ZNF469: variants seen among roughly 807,000 people sequenced by gnomAD.
ZNF469 encodes zinc finger protein 469.
In ZNF469, 1 loss-of-function variant was observed where a neutral mutation model predicts 1.0. The ratio of observed to expected loss-of-function variants is 1.00; its 90% CI spans 0.35 to 4.73. ZNF469 has a LOEUF of 4.73. Ranked by LOEUF, ZNF469 falls within the 30% of genes most tolerant of loss-of-function variation. The probability of loss-of-function intolerance (pLI) is 0.16; values close to 1 mark genes in which losing one functional copy is unlikely to be tolerated. For missense variants in ZNF469, 6,100 were observed against 5,356.3 expected (o/e 1.14, Z -4.33); for synonymous variants, 2,703 against 2,363.4 (o/e 1.14, Z -4.17).
rs553200337 is a variant in ZNF469 at position 88,386,356 on chromosome 16, C to T, written c.-192+3102C>T. Among the ~76,000 whole-genome samples the T allele has an allele frequency of 2.1e-4, 32 of 152,200 alleles. No homozygotes were observed. The South Asian group carries it at 3.3e-3, about 16-fold the overall frequency. On this transcript the variant is annotated intron_variant, in intron 1 of 2. Transcript: ENST00000565624. ...TCTCAGGATGTGTGTTCTCTCTTCC[C>T]GCCTCCTGCCCGGGACCCCACCGTC...
chr16:88,300,917 T>G, the ZNF469 span, among the ~76,000 whole-genome samples: 2 of 151,832 alleles, frequency 1.3e-5, no homozygotes, highest in East Asian at 2.0e-4. Flanking sequence ...ATACACAAAT[T>G]AGCCAATCGT....
the ZNF469 span, among the ~76,000 whole-genome samples, chr16:88,273,454 C>T: frequency 2.0e-5 from 3 of 151,990 alleles, no homozygotes; most frequent in Admixed American, 1.3e-4. Flanking sequence ...TACCACCTCA[C>T]GCCCATTAAG....
chr16:88,255,638 A>T, the ZNF469 span, among the ~76,000 whole-genome samples: 1 of 152,228 alleles, frequency 6.6e-6, no homozygotes, highest in South Asian at 2.1e-4. Context: ...ACGTTGTAAG[A>T]GTTAAAGAAA....
At chr16:88,206,696 G>A in the ZNF469 span, among the ~76,000 whole-genome samples, 6 of 151,354 alleles carry the variant, frequency 4.0e-5, no homozygotes, top group Non-Finnish European at 8.8e-5. Flanking sequence ...AACCTCGATG[G>A]CTTTGGAGGG....
the ZNF469 span, among the ~76,000 whole-genome samples, chr16:88,262,282 C>T: frequency 2.0e-5 from 3 of 152,226 alleles, no homozygotes; most frequent in South Asian, 6.2e-4. The surrounding 1 kb of genome is among the most constrained non-coding windows in gnomAD (Gnocchi z 4.3). Flanking sequence ...ACTGGACATA[C>T]TCCAGAGGGT....
upstream of ZNF469, among the ~76,000 whole-genome samples, chr16:88,380,324 C>T (rs2092517898): frequency 7.3e-6 from 1 of 136,528 alleles, no homozygotes; most frequent in Non-Finnish European, 1.5e-5. Context: ...TGCACTCACA[C>T]ATGCACTCAC....
At chr16:88,248,215 G>T in the ZNF469 span, among the ~76,000 whole-genome samples, 41,693 of 152,148 alleles carry the variant, frequency 0.27, 7,044 homozygotes, top group Middle Eastern at 0.42. Context: ...TAGGGTGAGA[G>T]AGCTTGCCTT....
chr16:88,229,579 T>TGATGCCACGTGTGTG, the ZNF469 span, among the ~76,000 whole-genome samples: 3 of 59,812 alleles, frequency 5.0e-5, no homozygotes, highest in Non-Finnish European at 1.3e-4. Flanking sequence ...GCTTGTGCGC[T>TGATGCCACGTGTGTG]GATGTCACGC....
At chr16:88,327,469 T>G in the ZNF469 span, among the ~76,000 whole-genome samples, 1 of 152,098 alleles carries the variant, frequency 6.6e-6, no homozygotes, top group Admixed American at 6.5e-5. Flanking sequence ...AAGCATGGTG[T>G]GGGTGCTGAA....
the ZNF469 span, among the ~76,000 whole-genome samples, chr16:88,242,649 C>G: frequency 2.5e-4 from 38 of 152,350 alleles, no homozygotes; most frequent in Middle Eastern, 3.4e-3. Flanking sequence ...GGAGGAAGCT[C>G]CAGCCTGACC....
chr16:88,388,388 T>C (rs1264323403), intron 1 of ZNF469, among the ~76,000 whole-genome samples: 3 of 152,222 alleles, frequency 2.0e-5, no homozygotes, highest in Non-Finnish European at 2.9e-5. Flanking sequence ...GAGCAGCCAT[T>C]GAGGCTTTCC....
At chr16:88,249,658 G>C in the ZNF469 span, among the ~76,000 whole-genome samples, 1 of 151,842 alleles carries the variant, frequency 6.6e-6, no homozygotes, top group South Asian at 2.1e-4. Context: ...GGATGGTCTC[G>C]ATCTCCTGAC....
At chr16:88,197,425 G>T in the ZNF469 span, among the ~76,000 whole-genome samples, 4 of 152,194 alleles carry the variant, frequency 2.6e-5, no homozygotes, top group African/African-American at 4.8e-5. Context: ...ATACATAGAA[G>T]GTACACAGTT....
chr16:88,270,943 C>T, the ZNF469 span, among the ~76,000 whole-genome samples: 1 of 152,260 alleles, frequency 6.6e-6, no homozygotes, highest in African/African-American at 2.4e-5. Context: ...TGGGTCCCCC[C>T]TCTCGGGGCT....
At chr16:88,396,972 A>AGGAGGAGACCCTCCTGAAGGGAGGCCG (rs1567500244) in intron 1 of ZNF469, among the ~76,000 whole-genome samples, 6,714 of 82,178 alleles carry the variant, frequency 0.082, 673 homozygotes, top group Non-Finnish European at 0.1. Context: ...AAGGGAGGCC[A>AGGAGGAGACCCTCCTGAAGGGAGGCCG]GGAGGAGACC....
At chr16:88,381,139 C>T (rs967826186), upstream of ZNF469, among the ~76,000 whole-genome samples, 1 of 145,370 alleles carries the variant, frequency 6.9e-6, no homozygotes, top group Non-Finnish European at 1.5e-5. Context: ...GACATGCACT[C>T]ACACACACAC....
chr16:88,220,233 G>C, the ZNF469 span, among the ~76,000 whole-genome samples: 1 of 152,224 alleles, frequency 6.6e-6, no homozygotes, highest in Non-Finnish European at 1.5e-5. Flanking sequence ...CTGGGGTCCT[G>C]AAGCAGAGGG....
At chr16:88,407,036 G>A in intron 1 of ZNF469, among the ~76,000 whole-genome samples, 1 of 152,208 alleles carries the variant, frequency 6.6e-6, no homozygotes, top group East Asian at 1.9e-4. Flanking sequence ...GTGATACTGG[G>A]GACAGTGCTT....
At chr16:88,129,611 T>C in the ZNF469 span, among the ~76,000 whole-genome samples, 5 of 152,304 alleles carry the variant, frequency 3.3e-5, no homozygotes, top group African/African-American at 1.2e-4. Flanking sequence ...CCCAGCACTT[T>C]GGGAGGCTGA....
Sources: gnomAD v4.1 joint callset for allele counts (sites outside exome capture counted in the v4.1 genomes callset) on GRCh38, gnomAD v4.1.1 for gene constraint, Gnocchi (gnomAD v3.1) non-coding constraint, MANE v1.5 for transcripts, NCBI Gene and HGNC (gene_info 2026-07-23, HGNC 2026-07-21) for gene names.